The following CHD6 variants were observed in gnomAD, a reference collection of about 807,000 sequenced individuals.
CHD6 encodes ATP-dependent chromatin remodeler CHD6.
In CHD6, 50 loss-of-function variants were observed where a neutral mutation model predicts 276.9. That is an observed-to-expected ratio of 0.18 (90% CI 0.14 to 0.23). The LOEUF (loss-of-function observed/expected upper bound fraction) is 0.23, where lower values mean the gene tolerates loss of function less well. CHD6 is among the 10% of genes least tolerant of loss of function. The pLI, the probability that CHD6 is intolerant of heterozygous loss-of-function variation, is 1.00. For missense variants in CHD6, 2,564 were observed against 3,365.8 expected, an observed-to-expected ratio of 0.76 and a Z score of 5.89; for synonymous variants, 1,173 against 1,229.3, an observed-to-expected ratio of 0.95 and a Z score of 0.96.
At chr20:41,535,257 G>A (rs1360463946) in intron 2 of CHD6, among the ~76,000 whole-genome samples, 1 of 152,200 alleles carries the variant, frequency 6.6e-6, no homozygotes, top group Non-Finnish European at 1.5e-5. Flanking sequence ...AAGAGCTGCA[G>A]CTAACATTTA....
chr20:41,603,842 C>T (rs2045798612), intron 1 of CHD6, among the ~76,000 whole-genome samples: 1 of 152,180 alleles, frequency 6.6e-6, no homozygotes, highest in Non-Finnish European at 1.5e-5. Context: ...GCACTCCAGC[C>T]TGGGCAAAAG....
chr20:41,550,441 C>T (rs770953037), intron 2 of CHD6, among the ~76,000 whole-genome samples: 6 of 152,194 alleles, frequency 3.9e-5, no homozygotes, highest in African/African-American at 2.4e-5. Flanking sequence ...CCAACCTAGC[C>T]GTTGAGGACA....
At chr20:41,443,326 T>C (rs764613418) in intron 25 of CHD6, among the ~76,000 whole-genome samples, 5 of 152,224 alleles carry the variant, frequency 3.3e-5, no homozygotes, top group Non-Finnish European at 7.3e-5. Context: ...TGAACAGTGA[T>C]TAGGGATTAG....
intron 26 of CHD6, among the ~76,000 whole-genome samples, chr20:41,439,344 A>G (rs900119168): frequency 6.6e-6 from 1 of 151,874 alleles, no homozygotes; most frequent in African/African-American, 2.4e-5. Flanking sequence ...TGACAAAGCA[A>G]GACTCTATCT....
At chr20:41,602,903 G>C (rs981099491) in intron 1 of CHD6, among the ~76,000 whole-genome samples, 2 of 151,984 alleles carry the variant, frequency 1.3e-5, no homozygotes, top group Non-Finnish European at 2.9e-5. Context: ...GGCTGGTCTC[G>C]AACTCCTGGG....
intron 11 of CHD6, among the ~76,000 whole-genome samples, chr20:41,491,121 G>A (rs1184539805): frequency 6.6e-6 from 1 of 151,722 alleles, no homozygotes; most frequent in Non-Finnish European, 1.5e-5. Flanking sequence ...GTACACTAAG[G>A]CTACACTCAA....
chr20:41,472,884 A>G (rs899929081), intron 17 of CHD6: 1 of 159,452 alleles, frequency 6.3e-6, no homozygotes, highest in African/African-American at 2.4e-5. Context: ...TGAGGCTGCC[A>G]CTGTTGCCCC....
rs539834333 is a variant in CHD6, at chr20:41,602,736, G to A, written c.-24+15604C>T. On this transcript the variant is annotated intron_variant, in intron 1 of 36. Coordinates refer to ENST00000373233, the MANE Select transcript of CHD6 (RefSeq NM_032221.5). ...TTCAGTAAAACTTTTTTTGGAGACAGGGTCTCATTCTGTTGCTCAAGCTGA... is the reference window on the plus strand; with the variant it reads ...TTCAGTAAAACTTTTTTTGGAGACAAGGTCTCATTCTGTTGCTCAAGCTGA... Among the ~76,000 whole-genome samples, 14 of 152,202 alleles carry A rather than the reference G, an allele frequency of 9.2e-5. No homozygotes were observed. The South Asian group carries it at 1.9e-3, about 20-fold the overall frequency.
In CHD6 at chr20:41,596,218, C is replaced by T. The variant is rs76367238; in HGVS notation, c.-24+22122G>A. ...CAGGGACACTCACAACTTCCCTTTC[C>T]TCTCCTAAAAGGAGTCTGCCCCAAC... On this transcript the variant is annotated intron_variant, in intron 1 of 36. Transcript: ENST00000373233. Among the ~76,000 whole-genome samples the T allele has an allele frequency of 3.7e-3, 567 of 152,274 alleles. 3 individuals carry two copies. The highest frequency in any genetic ancestry group is 0.013 in the African/African-American group (542 of 41,558).
Position 41,544,234 on chromosome 20 carries a change from T to C in CHD6, c.33+7071A>G, listed in dbSNP as rs147835029. Among the ~76,000 whole-genome samples the C allele has an allele frequency of 2.5e-3, 386 of 152,102 alleles. 1 individual carries two copies. Among genetic ancestry groups the C allele is most frequent in the African/African-American group, 9.0e-3 (372 of 41,494 alleles). On this transcript the variant is annotated intron_variant, in intron 2 of 36. Transcript: ENST00000373233. ...CAGCCTGGGCAACAAAGCAAAACTC[T>C]GTCTCAAAAAAAAACAAAGTTAGGC...
At chr20:41,576,404 G>A (rs978278642) in intron 1 of CHD6, among the ~76,000 whole-genome samples, 1 of 152,222 alleles carries the variant, frequency 6.6e-6, no homozygotes, top group Non-Finnish European at 1.5e-5. Context: ...TTCAAACACA[G>A]GCCAGGCGTG....
intron 1 of CHD6, among the ~76,000 whole-genome samples, chr20:41,590,026 A>G (rs940803862): frequency 2.0e-5 from 3 of 152,146 alleles, no homozygotes; most frequent in African/African-American, 7.2e-5. Context: ...ATATAGACCA[A>G]TGGAACAGAA....
At chr20:41,436,183 A>G (rs1470637249) in intron 27 of CHD6, among the ~76,000 whole-genome samples, 1 of 152,232 alleles carries the variant, frequency 6.6e-6, no homozygotes, top group Non-Finnish European at 1.5e-5. Context: ...AAACAATGAA[A>G]TTAGAATATA....
chr20:41,537,631 T>G (rs1397989946), intron 2 of CHD6, among the ~76,000 whole-genome samples: 2 of 152,108 alleles, frequency 1.3e-5, no homozygotes, highest in African/African-American at 4.8e-5. Flanking sequence ...ATATAAAGAA[T>G]TCTTACAAGT....
chr20:41,517,127 C>T (rs1341731487), intron 3 of CHD6, among the ~76,000 whole-genome samples: 1 of 152,166 alleles, frequency 6.6e-6, no homozygotes, highest in Non-Finnish European at 1.5e-5. Flanking sequence ...ACGGGCTTGC[C>T]TACCTACCAG....
At chr20:41,477,264 AAAT>A (rs1310934135) in intron 16 of CHD6, among the ~76,000 whole-genome samples, 2 of 151,994 alleles carry the variant, frequency 1.3e-5, no homozygotes, top group Non-Finnish European at 2.9e-5. Flanking sequence ...ATAAATAAAT[AAAT>A]AATTCTGAAG....
At chr20:41,413,266 T>C (rs1380665991) in intron 35 of CHD6, 58 bp downstream of exon 35, 12 of 1,382,048 alleles carry the variant, frequency 8.7e-6, no homozygotes, top group Non-Finnish European at 1.1e-5. Context: ...TCATCAAAAA[T>C]AGCAACAAGT....
At chr20:41,453,027 T>C (rs2048285361) in intron 20 of CHD6, 85 bp from the exon 21 acceptor site, 13 of 1,117,482 alleles carry the variant, frequency 1.2e-5, no homozygotes, top group Non-Finnish European at 1.6e-5. Flanking sequence ...AGGACACATT[T>C]GGGATAGAAC....
At chr20:41,567,043 T>C (rs987680216) in intron 1 of CHD6, among the ~76,000 whole-genome samples, 2 of 152,212 alleles carry the variant, frequency 1.3e-5, no homozygotes, top group African/African-American at 2.4e-5. Context: ...GAATCACCAG[T>C]TGCTGCTGGG....
Sources: gnomAD v4.1 joint callset for allele counts (sites outside exome capture counted in the v4.1 genomes callset) on GRCh38, gnomAD v4.1.1 for gene constraint, MANE v1.5 for transcripts, NCBI Gene and HGNC (gene_info 2026-07-23, HGNC 2026-07-21) for gene names.